Variants in TXNDC5 observed in about 807,000 individuals in gnomAD.
The protein encoded by TXNDC5 is thioredoxin domain-containing protein 5.
A neutral mutation model predicts 52.6 loss-of-function variants in TXNDC5; 44 were observed. That is an observed-to-expected ratio of 0.84 (90% CI 0.66 to 1.08). The LOEUF (loss-of-function observed/expected upper bound fraction) is 1.08. Among genes scored for constraint, TXNDC5 ranks in the 50% least tolerant of loss-of-function variants. The pLI is 0.00. For missense variants in TXNDC5, 600 were observed against 565.5 expected (o/e 1.06, Z -0.62); for synonymous variants, 241 against 234.4 (o/e 1.03, Z -0.26).
chr6:7,894,453 A>G (rs568853572), intron 4 of TXNDC5, among the ~76,000 whole-genome samples: 5 of 152,120 alleles, frequency 3.3e-5, no homozygotes, highest in Non-Finnish European at 2.9e-5. Flanking sequence ...GTCATTAAGC[A>G]TATGATTATC....
chr6:7,889,062 C>A, intron 6 of TXNDC5: 1 of 564,898 alleles, frequency 1.8e-6, no homozygotes. Context: ...CTTCCCTCCA[C>A]GGGGTTACAC....
rs926190584 is a variant in TXNDC5, at chr6:7,882,998, AAC to A, written c.*144_*145del. ...ATCTGTAGAGTGTGTTGGCTTGGAA[AAC>A]ACACACACAAAGAAGATACCTCACG... On this transcript the variant is annotated 3_prime_UTR_variant, in exon 10 of 10. Transcript: ENST00000379757. 41 of 1,081,618 alleles carry A rather than the reference AAC, an allele frequency of 3.8e-5. No individual in the cohort carries two copies. Among genetic ancestry groups the A allele is most frequent in the Non-Finnish European group, 4.7e-5 (36 of 765,334 alleles). 67.0% of individuals were successfully genotyped at this position (1,081,618 alleles called of 1,614,324 possible).
intron 2 of TXNDC5, among the ~76,000 whole-genome samples, chr6:7,900,821 C>T (rs1760541226): frequency 6.6e-6 from 1 of 152,162 alleles, no homozygotes; most frequent in African/African-American, 2.4e-5. Context: ...GGGCCTCTTT[C>T]ATAAGGTATG....
chr6:7,898,535 C>T (rs918789868), intron 3 of TXNDC5, among the ~76,000 whole-genome samples: 3 of 152,164 alleles, frequency 2.0e-5, no homozygotes, highest in African/African-American at 7.2e-5. Context: ...AATCAGTGGG[C>T]GCTTAGCTGA....
chr6:7,902,124 C>A (rs1760589973), intron 2 of TXNDC5, among the ~76,000 whole-genome samples: 2 of 152,152 alleles, frequency 1.3e-5, no homozygotes, highest in African/African-American at 2.4e-5. Flanking sequence ...AGGAAACCAA[C>A]AGGAGCCAGG....
chr6:7,888,637 G>A lies in TXNDC5; in HGVS notation c.963+68C>T, dbSNP rs943438454. 15 of 1,544,200 alleles carry A rather than the reference G, an allele frequency of 9.7e-6. No homozygotes were observed. In the African/African-American group the frequency reaches 1.8e-4, roughly 18 times the overall value. On this transcript the variant is annotated intron_variant, in intron 7 of 9. Coordinates refer to ENST00000379757, the MANE Select transcript of TXNDC5 (RefSeq NM_030810.5). ...CCAAAGCATTTGAGGAGGCCTCTGA[G>A]GGTGGGGAGGTGGGGGGCCGGGGGC...
intron 1 of TXNDC5, among the ~76,000 whole-genome samples, 198 bp downstream of exon 1, chr6:7,910,316 C>T (rs1197780644): frequency 6.6e-6 from 1 of 150,512 alleles, no homozygotes; most frequent in African/African-American, 2.4e-5. Context: ...CCGCAGGGTC[C>T]CCGCGCTCCC....
intron 6 of TXNDC5, chr6:7,889,212 G>A: frequency 2.2e-6 from 1 of 464,988 alleles, no homozygotes; most frequent in East Asian, 3.5e-5. Context: ...CTGTTCAAAG[G>A]CCTGAAGGTT....
At chr6:7,891,836 T>C in intron 4 of TXNDC5, 100 bp from the exon 5 acceptor site, 1 of 784,728 alleles carries the variant, frequency 1.3e-6, no homozygotes, top group Middle Eastern at 2.4e-4. Context: ...TTTGTCCTGC[T>C]TAGCAAATCT....
chr6:7,895,239 G>T, intron 3 of TXNDC5, 37 bp from the exon 4 acceptor site: 1 of 1,570,258 alleles, frequency 6.4e-7, no homozygotes, highest in South Asian at 1.2e-5. Flanking sequence ...GGGTGTGTCA[G>T]TGGAGACACA....
chr6:7,909,997 A>G (rs896160068), intron 1 of TXNDC5: 12 of 986,066 alleles, frequency 1.2e-5, no homozygotes, highest in Non-Finnish European at 1.4e-5. Context: ...GCGGGGTGAC[A>G]TTTGGACTCC....
At chr6:7,896,747 G>A (rs1329757350) in intron 3 of TXNDC5, among the ~76,000 whole-genome samples, 1 of 152,232 alleles carries the variant, frequency 6.6e-6, no homozygotes, top group Non-Finnish European at 1.5e-5. Flanking sequence ...GGGCCTTTCA[G>A]TATGAAGTGT....
chr6:7,901,082 T>C (rs1760550355), intron 2 of TXNDC5, among the ~76,000 whole-genome samples: 1 of 152,184 alleles, frequency 6.6e-6, no homozygotes, highest in Non-Finnish European at 1.5e-5. Flanking sequence ...GGGTCCCTAA[T>C]GTGTCTCCAG....
At chr6:7,909,244 C>T (rs980518689) in intron 1 of TXNDC5, among the ~76,000 whole-genome samples, 2 of 152,204 alleles carry the variant, frequency 1.3e-5, no homozygotes, top group Non-Finnish European at 2.9e-5. Context: ...TTTCTCTATG[C>T]CTCCCTACAT....
chr6:7,888,582 G>A (rs2113327648), intron 7 of TXNDC5, 123 bp downstream of exon 7: 1 of 1,281,094 alleles, frequency 7.8e-7, no homozygotes, highest in African/African-American at 1.5e-5. Context: ...CCAACCATCA[G>A]ATGACTGTGT....
intron 8 of TXNDC5, among the ~76,000 whole-genome samples, chr6:7,884,966 TAA>T (rs1250556012): frequency 6.6e-6 from 1 of 152,204 alleles, no homozygotes; most frequent in African/African-American, 2.4e-5. Context: ...AGGCCATGAT[TAA>T]GTTTGGTTCA....
At chr6:7,895,065 A>C (rs758870733) in intron 4 of TXNDC5, 41 bp downstream of exon 4, 1 of 1,602,100 alleles carries the variant, frequency 6.2e-7, no homozygotes, top group African/African-American at 1.3e-5. Flanking sequence ...CCAAGGAATA[A>C]TAGTGATTCT....
At chr6:7,902,566 T>TA (rs2113362058) in intron 2 of TXNDC5, among the ~76,000 whole-genome samples, 1 of 152,084 alleles carries the variant, frequency 6.6e-6, no homozygotes, top group Non-Finnish European at 1.5e-5. Flanking sequence ...GCACTTGTCT[T>TA]AGAGGAGTCA....
intron 4 of TXNDC5, among the ~76,000 whole-genome samples, chr6:7,892,536 CCCCA>C (rs1430736591): frequency 6.6e-6 from 1 of 152,246 alleles, no homozygotes; most frequent in Non-Finnish European, 1.5e-5. Flanking sequence ...TTGGCTGTGT[CCCCA>C]CCCAAATCTC....
Sources: allele counts gnomAD v4.1 joint callset (sites outside exome capture counted in the v4.1 genomes callset), GRCh38; gene constraint gnomAD v4.1.1; transcripts MANE v1.5; gene names NCBI Gene and HGNC (gene_info 2026-07-23, HGNC 2026-07-21).